The following PTPDC1 variants were observed in gnomAD, a reference collection of about 807,000 sequenced individuals.
PTPDC1 encodes protein tyrosine phosphatase domain containing 1.
PTPDC1 carries 53 observed loss-of-function variants against 75.3 expected under a neutral mutation model. That is an observed-to-expected ratio of 0.70 (90% CI 0.56 to 0.88). The LOEUF (loss-of-function observed/expected upper bound fraction) is 0.88. Ranked by LOEUF, PTPDC1 falls within the 40% of genes least tolerant of loss-of-function variation. PTPDC1 has a pLI of 0.00. For missense variants in PTPDC1, 925 were observed against 998.6 expected, an observed-to-expected ratio of 0.93 and a Z score of 0.99; for synonymous variants, 349 against 366.2, an observed-to-expected ratio of 0.95 and a Z score of 0.54.
chr9:94,098,618 AATATTTATGTC>A lies in PTPDC1; in HGVS notation c.2013+41_2013+51del, dbSNP rs1279039436. On this transcript the variant is annotated intron_variant, in intron 6 of 8. Coordinates refer to ENST00000620992, the MANE Select transcript of PTPDC1 (RefSeq NM_001253829.2). Reference sequence around the variant, plus strand: ...TTAATTTAATTATAGATATGTGGGAAATATTTATGTCAGGGCAAAAGTGTGATACATTTTCC... The same window carrying A: ...TTAATTTAATTATAGATATGTGGGAAAGGGCAAAAGTGTGATACATTTTCC... The A allele has an allele frequency of 5.3e-6, 8 of 1,506,764 alleles. No individual in the cohort carries two copies. In the African/African-American group the frequency reaches 9.6e-5, roughly 18 times the overall value. The allele number at this position is 1,506,764 out of a possible 1,614,324, so 93.3% of individuals were successfully genotyped here. A position where few individuals can be genotyped will look rare whatever the true frequency, so the allele number is the denominator to read the frequency against.
intron 1 of PTPDC1, among the ~76,000 whole-genome samples, chr9:94,042,242 G>T (rs928186485): frequency 6.6e-6 from 1 of 152,074 alleles, no homozygotes; most frequent in East Asian, 1.9e-4. Flanking sequence ...CTTATGTACA[G>T]GGTTTTTTGT....
At chr9:94,074,640 G>A (rs967638851) in intron 2 of PTPDC1, among the ~76,000 whole-genome samples, 5 of 152,206 alleles carry the variant, frequency 3.3e-5, no homozygotes, top group African/African-American at 9.6e-5. Context: ...TGACACCAGG[G>A]GATTGGGAAA....
chr9:94,075,002 TATTG>T (rs1320400664), intron 2 of PTPDC1, among the ~76,000 whole-genome samples: 2 of 152,152 alleles, frequency 1.3e-5, no homozygotes, highest in African/African-American at 4.8e-5. Flanking sequence ...GTGAGCCTGG[TATTG>T]ACTAATCCCA....
intron 1 of PTPDC1, among the ~76,000 whole-genome samples, chr9:94,054,458 C>T (rs1328317282): frequency 1.3e-5 from 2 of 152,118 alleles, no homozygotes; most frequent in South Asian, 4.1e-4. Context: ...CTAATACGTG[C>T]CAACTCCTCT....
At chr9:94,064,608 A>G (rs1213969637) in intron 1 of PTPDC1, 13 of 625,114 alleles carry the variant, frequency 2.1e-5, no homozygotes, top group Non-Finnish European at 3.6e-5. Context: ...GACTAGCCAT[A>G]TTTCAAGTAT....
chr9:94,052,604 T>C (rs1825823088), intron 1 of PTPDC1, among the ~76,000 whole-genome samples: 1 of 152,202 alleles, frequency 6.6e-6, no homozygotes, highest in East Asian at 1.9e-4. Context: ...CCTTTAGTTT[T>C]TGCCTTGTAT....
intron 1 of PTPDC1, among the ~76,000 whole-genome samples, chr9:94,047,381 C>T (rs1018286095): frequency 1.3e-4 from 20 of 152,168 alleles, no homozygotes; most frequent in African/African-American, 4.8e-4. Flanking sequence ...GGAACAAAGA[C>T]ACAACATACC....
At chr9:94,063,651 T>G (rs976242577) in intron 1 of PTPDC1, among the ~76,000 whole-genome samples, 23 of 152,204 alleles carry the variant, frequency 1.5e-4, no homozygotes, top group African/African-American at 4.8e-4. Flanking sequence ...GTATAAAGAT[T>G]GCTTTTAGAA....
chr9:94,063,367 T>C (rs1240826173), intron 1 of PTPDC1, among the ~76,000 whole-genome samples: 31 of 152,240 alleles, frequency 2.0e-4, no homozygotes, highest in Admixed American at 2.0e-3. Context: ...CCTTTCAAAT[T>C]AAGTTTTTGC....
At chr9:94,052,339 T>C (rs1470813722) in intron 1 of PTPDC1, among the ~76,000 whole-genome samples, 1 of 152,204 alleles carries the variant, frequency 6.6e-6, no homozygotes, top group African/African-American at 2.4e-5. Context: ...TACTTTCTAT[T>C]ATTTCTCTTC....
chr9:94,098,896 C>T (rs368693615), intron 6 of PTPDC1, among the ~76,000 whole-genome samples: 1 of 152,196 alleles, frequency 6.6e-6, no homozygotes, highest in African/African-American at 2.4e-5. Context: ...AGACAGCATT[C>T]GAAACTGACT....
intron 2 of PTPDC1, among the ~76,000 whole-genome samples, chr9:94,067,256 G>A (rs910901311): frequency 3.9e-5 from 6 of 151,926 alleles, no homozygotes; most frequent in African/African-American, 1.2e-4. Flanking sequence ...CGAGCATGGT[G>A]GCGTATGCCT....
intron 1 of PTPDC1, chr9:94,038,376 G>A (rs1825335632): frequency 5.2e-5 from 24 of 459,224 alleles, no homozygotes; most frequent in South Asian, 4.8e-4. Flanking sequence ...TATTACAAAT[G>A]TCTCATGACT....
intron 1 of PTPDC1, among the ~76,000 whole-genome samples, chr9:94,053,502 A>G (rs1825845747): frequency 6.6e-6 from 1 of 152,214 alleles, no homozygotes; most frequent in African/African-American, 2.4e-5. Flanking sequence ...TAAGAAGAAA[A>G]TACTACAGTG....
At chr9:94,064,122 A>G (rs1440581792) in intron 1 of PTPDC1, among the ~76,000 whole-genome samples, 2 of 152,172 alleles carry the variant, frequency 1.3e-5, no homozygotes, top group Non-Finnish European at 2.9e-5. Context: ...TACAAAGTTG[A>G]ATTACACAGT....
intron 7 of PTPDC1, among the ~76,000 whole-genome samples, chr9:94,102,273 AAAG>A (rs2118089398): frequency 6.6e-6 from 1 of 152,098 alleles, no homozygotes; most frequent in East Asian, 1.9e-4. Flanking sequence ...GTATTTTTAA[AAAG>A]GGGTAGGTGT....
At chr9:94,045,047 T>C (rs1336728208) in intron 1 of PTPDC1, among the ~76,000 whole-genome samples, 1 of 136,532 alleles carries the variant, frequency 7.3e-6, no homozygotes, top group Non-Finnish European at 1.5e-5. Flanking sequence ...CCTGTGTCCA[T>C]GTGTTCTCAT....
Position 94,104,991 on chromosome 9 carries a change from T to C in PTPDC1, c.2310+606T>C, listed in dbSNP as rs184694820. On this transcript the variant is annotated intron_variant, in intron 8 of 8. Transcript: ENST00000620992. The stretch of plus-strand genomic sequence containing the variant: ...TACTTCTCATTGATATGAAAGTATC[T>C]ATAATTTGTTTGTTACCTCTCATTG... Among the ~76,000 whole-genome samples, 18 of 152,362 alleles carry C rather than the reference T, an allele frequency of 1.2e-4. No individual in the cohort carries two copies. The East Asian group carries it at 2.5e-3, about 21-fold the overall frequency.
At chr9:94,067,929 C>T (rs1219904184) in intron 2 of PTPDC1, among the ~76,000 whole-genome samples, 1 of 152,136 alleles carries the variant, frequency 6.6e-6, no homozygotes, top group Non-Finnish European at 1.5e-5. Context: ...TTGGGCTTCC[C>T]TCTGTCTCTT....
Sources: allele counts gnomAD v4.1 joint callset (sites outside exome capture counted in the v4.1 genomes callset), GRCh38; gene constraint gnomAD v4.1.1; transcripts MANE v1.5; gene names NCBI Gene and HGNC (gene_info 2026-07-23, HGNC 2026-07-21).